The following SCARA5 variants were observed in gnomAD, a reference collection of about 807,000 sequenced individuals.
SCARA5 encodes scavenger receptor class A, member 5 (putative).
SCARA5 carries 45 observed loss-of-function variants against 46.3 expected under a neutral mutation model. The observed-to-expected ratio is 0.97, with a 90% CI of 0.76 to 1.24. The LOEUF is 1.24. Among genes scored for constraint, SCARA5 ranks in the 50% most tolerant of loss-of-function variants. The pLI, the probability that SCARA5 is intolerant of heterozygous loss-of-function variation, is 0.00. For missense variants in SCARA5, 680 were observed against 689.0 expected (o/e 0.99, Z 0.15); for synonymous variants, 333 against 306.5 (o/e 1.09, Z -0.90).
intron 2 of SCARA5, among the ~76,000 whole-genome samples, chr8:27,978,657 GCAC>G (rs1808564073): frequency 6.6e-6 from 1 of 152,060 alleles, no homozygotes; most frequent in Non-Finnish European, 1.5e-5. Flanking sequence ...CTACAGGCGT[GCAC>G]CACCACATCT....
At chr8:27,880,087 A>G (rs1398451451) in intron 7 of SCARA5, among the ~76,000 whole-genome samples, 1 of 152,266 alleles carries the variant, frequency 6.6e-6, no homozygotes, top group Non-Finnish European at 1.5e-5. Context: ...AAGAATAAGC[A>G]GTGGGGAAAG....
At position 27,870,789 on chromosome 8, in the gene SCARA5, C is replaced by G. The variant is rs116782163; in HGVS notation, c.*1145G>C. On this transcript the variant is annotated 3_prime_UTR_variant, in exon 9 of 9. Transcript: ENST00000354914. ...ATAGGGAATCTTCATTTCCTTCCCC[C>G]CTAAGGGTTCCATTAGGACTTGTGT... 9.2e-5 allele frequency: 14 copies of G among 152,344 alleles called. No individual in the cohort carries two copies. The highest frequency in any genetic ancestry group is 1.9e-4 in the East Asian group (1 of 5,180). 9.4% of individuals were successfully genotyped at this position (152,344 alleles called of 1,614,324 possible).
chr8:27,989,356 G>A (rs1443083138), intron 1 of SCARA5, among the ~76,000 whole-genome samples: 1 of 151,908 alleles, frequency 6.6e-6, no homozygotes, highest in Non-Finnish European at 1.5e-5. Flanking sequence ...TGGAACTCCT[G>A]GAGTCAAGCG....
intron 3 of SCARA5, among the ~76,000 whole-genome samples, chr8:27,932,032 G>A (rs1807782377): frequency 6.6e-6 from 1 of 152,046 alleles, no homozygotes; most frequent in South Asian, 2.1e-4. Flanking sequence ...AGGCTGGAGT[G>A]CAGTGGCGTC....
chr8:27,879,881 G>A, intron 7 of SCARA5, 115 bp from the exon 8 acceptor site: 4 of 953,536 alleles, frequency 4.2e-6, no homozygotes, highest in East Asian at 2.6e-5. Flanking sequence ...CTGGGGCCCA[G>A]CTGTATCAAG....
intron 3 of SCARA5, among the ~76,000 whole-genome samples, chr8:27,961,043 C>A (rs959718663): frequency 1.3e-5 from 2 of 152,194 alleles, no homozygotes; most frequent in Non-Finnish European, 2.9e-5. Flanking sequence ...CACAGATAAC[C>A]TGGGGCTAAA....
chr8:27,970,742 G>A (rs993401138), intron 2 of SCARA5, among the ~76,000 whole-genome samples: 6 of 152,064 alleles, frequency 3.9e-5, no homozygotes, highest in African/African-American at 1.2e-4. Flanking sequence ...CCAATTTTGG[G>A]GCTTGCTCCT....
chr8:27,903,042 T>C (rs894283506), intron 7 of SCARA5, among the ~76,000 whole-genome samples: 2 of 152,140 alleles, frequency 1.3e-5, no homozygotes, highest in Admixed American at 6.5e-5. Context: ...TCCTGAATCA[T>C]GCCTCAGGGA....
intron 2 of SCARA5, among the ~76,000 whole-genome samples, chr8:27,985,511 G>T (rs1275345975): frequency 6.6e-6 from 1 of 152,128 alleles, no homozygotes; most frequent in African/African-American, 2.4e-5. Flanking sequence ...TTCTAACTTG[G>T]GGTTGAAAAG....
intron 2 of SCARA5, among the ~76,000 whole-genome samples, chr8:27,975,777 C>T (rs1808514267): frequency 6.6e-6 from 1 of 152,114 alleles, no homozygotes; most frequent in African/African-American, 2.4e-5. Context: ...AGGCCTGAGT[C>T]CTCAGGGCAG....
intron 3 of SCARA5, among the ~76,000 whole-genome samples, chr8:27,958,802 G>A (rs1167317760): frequency 6.6e-6 from 1 of 152,210 alleles, no homozygotes; most frequent in Non-Finnish European, 1.5e-5. Flanking sequence ...CAATGGGGGA[G>A]CACCTACTAG....
chr8:27,928,700 T>C (rs938881198), intron 3 of SCARA5, among the ~76,000 whole-genome samples: 2 of 152,104 alleles, frequency 1.3e-5, no homozygotes, highest in African/African-American at 2.4e-5. Flanking sequence ...GAGTTTTGCT[T>C]TGTTGCTCAG....
intron 3 of SCARA5, among the ~76,000 whole-genome samples, chr8:27,927,940 T>C (rs567129261): frequency 1.1e-4 from 16 of 152,348 alleles, no homozygotes; most frequent in African/African-American, 3.4e-4. Flanking sequence ...CTATTTGCAT[T>C]TTAGAAGCGG....
In SCARA5 at chr8:27,900,396, T is replaced by C. The variant is rs532408863; in HGVS notation, c.1153+4382A>G. ...AAAACTGTTTAGAAACTTCCTCCTC[T>C]GATTATTTATTCTGAGTTTACACTG... On this transcript the variant is annotated intron_variant, in intron 7 of 8. Transcript: ENST00000354914. Among the ~76,000 whole-genome samples the C allele has an allele frequency of 2.6e-5, 4 of 152,350 alleles. No homozygotes were observed. In the East Asian group the frequency reaches 7.7e-4, roughly 29 times the overall value.
intron 3 of SCARA5, among the ~76,000 whole-genome samples, chr8:27,958,022 A>G (rs138183372): frequency 6.6e-6 from 1 of 152,234 alleles, no homozygotes; most frequent in Non-Finnish European, 1.5e-5. Flanking sequence ...GTAAAACTTT[A>G]TAAAAACAGG....
At chr8:27,876,378 C>T (rs777147716) in intron 8 of SCARA5, among the ~76,000 whole-genome samples, 6 of 152,098 alleles carry the variant, frequency 3.9e-5, no homozygotes, top group East Asian at 3.9e-4. Context: ...ACAGCAAGAA[C>T]GACGAGGTGG....
In SCARA5 at chr8:27,871,747, T is replaced by C. The variant is rs1806641485; in HGVS notation, c.*187A>G. Reference sequence around the variant, plus strand: ...CGGGCAGTAGGTCCCAGAGTTATACTTCGGAGCACATGTTCAAGAGGGAAA... The same window carrying C: ...CGGGCAGTAGGTCCCAGAGTTATACCTCGGAGCACATGTTCAAGAGGGAAA... On this transcript the variant is annotated 3_prime_UTR_variant, in exon 9 of 9. Transcript: ENST00000354914. 10 of 1,437,568 alleles carry C rather than the reference T, an allele frequency of 7.0e-6. No homozygotes were observed. Among genetic ancestry groups the C allele is most frequent in the South Asian group, 2.9e-5 (2 of 67,824 alleles). 89.1% of individuals were successfully genotyped at this position (1,437,568 alleles called of 1,614,324 possible).
chr8:27,913,608 C>T (rs1488816954), intron 4 of SCARA5, among the ~76,000 whole-genome samples: 2 of 152,222 alleles, frequency 1.3e-5, no homozygotes, highest in Non-Finnish European at 2.9e-5. Context: ...TCACTGCCTC[C>T]ACCCTCGTCA....
intron 4 of SCARA5, 67 bp from the exon 5 acceptor site, chr8:27,909,810 G>T (rs1035895098): frequency 7.7e-6 from 9 of 1,162,298 alleles, no homozygotes; most frequent in Middle Eastern, 1.9e-4. Context: ...GTCATCTGTA[G>T]AGGAAACAAA....
Sources: gnomAD v4.1 joint callset for allele counts (sites outside exome capture counted in the v4.1 genomes callset) on GRCh38, gnomAD v4.1.1 for gene constraint, MANE v1.5 for transcripts, NCBI Gene and HGNC (gene_info 2026-07-23, HGNC 2026-07-21) for gene names.